The following AGPAT3 variants were observed in gnomAD, a reference collection of about 807,000 sequenced individuals.
The protein encoded by AGPAT3 is 1-acylglycerol-3-phosphate O-acyltransferase 3.
In AGPAT3, 5 loss-of-function variants were observed where a neutral mutation model predicts 47.3. The ratio of observed to expected loss-of-function variants is 0.11; its 90% CI spans 0.06 to 0.22. The LOEUF (loss-of-function observed/expected upper bound fraction) is 0.22. AGPAT3 is among the 10% of genes least tolerant of loss of function. The probability of loss-of-function intolerance (pLI) is 1.00; values close to 1 mark genes in which losing one functional copy is unlikely to be tolerated. For synonymous variants in AGPAT3, 212 were observed against 208.3 expected (o/e 1.02, Z -0.15); for missense variants, 315 against 493.0 (o/e 0.64, Z 3.42).
intron 2 of AGPAT3, among the ~76,000 whole-genome samples, chr21:43,917,547 G>A (rs2086759158): frequency 6.6e-6 from 1 of 152,182 alleles, no homozygotes; most frequent in Non-Finnish European, 1.5e-5. Flanking sequence ...CAATTAACAA[G>A]AGCACGTCGG....
chr21:43,975,388 G>GTGT (rs1225967976), intron 7 of AGPAT3, among the ~76,000 whole-genome samples: 23 of 151,516 alleles, frequency 1.5e-4, no homozygotes, highest in Admixed American at 1.3e-3. Flanking sequence ...ATGTGTCGGT[G>GTGT]TGTGCACTGG....
rs1390130814 is a variant in AGPAT3, at chr21:43,908,411, G to C, written c.-49+4392G>C. On this transcript the variant is annotated intron_variant, in intron 2 of 9. Coordinates refer to ENST00000291572, the MANE Select transcript of AGPAT3 (RefSeq NM_020132.5). The surrounding 1 kb of genome is among the most constrained non-coding windows in gnomAD (Gnocchi z 4.9). Reference sequence around the variant, plus strand: ...GATCAGAAAGGAGGTGTCCCGATCAGGGGGAGCACATGGGCTGGGAACTTG... The same window carrying C: ...GATCAGAAAGGAGGTGTCCCGATCACGGGGAGCACATGGGCTGGGAACTTG... 6.6e-6 allele frequency among the ~76,000 whole-genome samples: 1 copy of C among 152,314 alleles called. No homozygotes were observed. The highest frequency in any genetic ancestry group is 1.9e-4 in the East Asian group (1 of 5,182).
intron 2 of AGPAT3, among the ~76,000 whole-genome samples, chr21:43,938,908 C>T (rs1263796635): frequency 6.6e-6 from 1 of 152,194 alleles, no homozygotes; most frequent in East Asian, 1.9e-4. Context: ...GGGGCTCCCC[C>T]AGGCCTGGGA....
intron 7 of AGPAT3, 88 bp downstream of exon 7, chr21:43,971,578 G>A (rs1164939484): frequency 7.9e-7 from 1 of 1,263,626 alleles, no homozygotes; most frequent in Non-Finnish European, 1.1e-6. Context: ...GCTGGGTCCA[G>A]GCCCCACGTC....
At chr21:43,968,411 G>A (rs2089244687) in intron 4 of AGPAT3, among the ~76,000 whole-genome samples, 1 of 151,258 alleles carries the variant, frequency 6.6e-6, no homozygotes, top group Admixed American at 6.6e-5. Context: ...ATCTGGGGGA[G>A]TAGGCGGGTG....
intron 2 of AGPAT3, among the ~76,000 whole-genome samples, chr21:43,915,963 T>G (rs2086719390): frequency 6.6e-6 from 1 of 152,204 alleles, no homozygotes. Flanking sequence ...TTTAGTTTTA[T>G]TAGTATGGTT....
chr21:43,930,108 CCA>C lies in AGPAT3; in HGVS notation c.-49+26092_-49+26093del, dbSNP rs1359603650. 6.6e-6 allele frequency among the ~76,000 whole-genome samples: 1 copy of C among 152,208 alleles called. No individual in the cohort carries two copies. Among genetic ancestry groups the C allele is most frequent in the African/African-American group, 2.4e-5 (1 of 41,460 alleles). On this transcript the variant is annotated intron_variant, in intron 2 of 9. Coordinates refer to ENST00000291572, the MANE Select transcript of AGPAT3 (RefSeq NM_020132.5). The surrounding 1 kb of genome is among the most constrained non-coding windows in gnomAD (Gnocchi z 5.0). ...TTTTCACGTTCAGGAAGTCACGAAT[CCA>C]CAGTGTCTTTGAAGAAAGTGGGGAA...
chr21:43,873,116 C>T (rs974565463), intron 1 of AGPAT3, among the ~76,000 whole-genome samples: 3 of 152,176 alleles, frequency 2.0e-5, no homozygotes, highest in East Asian at 1.9e-4. Flanking sequence ...GAGATGGCAT[C>T]GAGTGGCGGG....
At chr21:43,936,322 AGCACG>A (rs1240153208) in intron 2 of AGPAT3, among the ~76,000 whole-genome samples, 2 of 152,208 alleles carry the variant, frequency 1.3e-5, no homozygotes, top group Non-Finnish European at 2.9e-5. Flanking sequence ...AGCAGTGGCG[AGCACG>A]GCATTGTTTA....
chr21:43,975,237 TG>T (rs2089563721), intron 7 of AGPAT3, among the ~76,000 whole-genome samples: 2 of 86,540 alleles, frequency 2.3e-5, no homozygotes, highest in Admixed American at 1.4e-4. Context: ...GGTAATGTTT[TG>T]GTGTGTGCTG....
rs748111180 is a variant in AGPAT3, at chr21:43,985,341, C to T, written c.*2949C>T. On this transcript the variant is annotated 3_prime_UTR_variant, in exon 10 of 10. Transcript: ENST00000291572. ...AGCGCAGTCTGGTGGAAGAGATGAG[C>T]GCTGAACAAATCACTAAATAACACA... is the stretch of plus-strand genomic sequence containing the variant. 13 of 372,614 alleles carry T rather than the reference C, an allele frequency of 3.5e-5. 1 individual carries two copies. Among genetic ancestry groups the T allele is most frequent in the East Asian group, 1.5e-4 (2 of 13,382 alleles). The allele number at this position is 372,614 out of a possible 1,614,324, so 23.1% of individuals were successfully genotyped here.
chr21:43,872,475 C>T (rs13052093), intron 1 of AGPAT3, among the ~76,000 whole-genome samples: 25 of 152,246 alleles, frequency 1.6e-4, no homozygotes, highest in Non-Finnish European at 2.8e-4. Context: ...GCCACCGCGC[C>T]GGCCGTAAAT....
intron 2 of AGPAT3, among the ~76,000 whole-genome samples, chr21:43,949,132 A>G (rs2088055229): frequency 6.6e-6 from 1 of 152,038 alleles, no homozygotes; most frequent in South Asian, 2.1e-4. Context: ...CAGTATGTCT[A>G]GTTCTGGGGC....
At chr21:43,947,455 C>A (rs2087948214) in intron 2 of AGPAT3, among the ~76,000 whole-genome samples, 1 of 152,150 alleles carries the variant, frequency 6.6e-6, no homozygotes, top group South Asian at 2.1e-4. Context: ...TGGAGTGACG[C>A]CCCCGGCATC....
rs562587208 is a variant in AGPAT3, at chr21:43,970,945, G to A, written c.664+139G>A. ...GCAAAAGGAATCAAGTGAGGGGGTCGGCGCCGCAAGGTTCCCGCGTCAGGT... is the reference window on the plus strand; with the variant it reads ...GCAAAAGGAATCAAGTGAGGGGGTCAGCGCCGCAAGGTTCCCGCGTCAGGT... On this transcript the variant is annotated intron_variant, in intron 6 of 9. Coordinates refer to ENST00000291572, the MANE Select transcript of AGPAT3 (RefSeq NM_020132.5). This position sits in a 1 kb window ranked among gnomAD's most constrained non-coding sequence, Gnocchi z 5.8. The A allele has an allele frequency of 5.8e-5, 56 of 962,856 alleles. No homozygotes were observed. The highest frequency in any genetic ancestry group is 7.0e-4 in the Middle Eastern group (2 of 2,850). 59.6% of individuals were successfully genotyped at this position (962,856 alleles called of 1,614,324 possible).
intron 7 of AGPAT3, among the ~76,000 whole-genome samples, chr21:43,972,166 A>T (rs1355268881): frequency 6.6e-6 from 1 of 150,918 alleles, no homozygotes; most frequent in Non-Finnish European, 1.5e-5. Flanking sequence ...TTTCTTGGAG[A>T]CGGAGTTTCA....
chr21:43,970,769 G>C lies in AGPAT3; in HGVS notation c.627G>C (p.Lys209Asn). Residue 209 changes from lysine (K) to asparagine (N), a missense_variant, in exon 6 of 10, where the codon AAG becomes AAC. Transcript: ENST00000291572. The surrounding 1 kb of genome is among the most constrained non-coding windows in gnomAD (Gnocchi z 5.8). ...VLKYHLLPRT[K>N]GFTTAVKCLR... ...AGTACCACCTGCTGCCGCGGACCAA[G>C]GGCTTCACCACCGCAGTCAAGTGCC... The C allele has an allele frequency of 1.2e-6, 2 of 1,603,052 alleles. No homozygotes were observed. The highest frequency in any genetic ancestry group is 1.7e-6 in the Non-Finnish European group (2 of 1,172,120).
chr21:43,943,797 A>G (rs2087756801), intron 2 of AGPAT3, among the ~76,000 whole-genome samples: 1 of 152,182 alleles, frequency 6.6e-6, no homozygotes, highest in Admixed American at 6.5e-5. Context: ...GTGGCAGCTT[A>G]TTACCACATC....
chr21:43,897,859 T>C (rs957776681), intron 1 of AGPAT3, among the ~76,000 whole-genome samples: 1 of 152,172 alleles, frequency 6.6e-6, no homozygotes, highest in African/African-American at 2.4e-5. Context: ...ACATTGAGTA[T>C]TGAGTGAGCG....
Sources: gnomAD v4.1 joint callset for allele counts (sites outside exome capture counted in the v4.1 genomes callset) on GRCh38, gnomAD v4.1.1 for gene constraint, Gnocchi (gnomAD v3.1) non-coding constraint, MANE v1.5 for transcripts, NCBI Gene and HGNC (gene_info 2026-07-23, HGNC 2026-07-21) for gene names.